Variants in WDR20 observed in about 807,000 individuals in gnomAD.
The protein encoded by WDR20 is WD repeat domain 20.
A neutral mutation model predicts 38.7 loss-of-function variants in WDR20; 3 were observed. The observed-to-expected ratio is 0.08, with a 90% CI of 0.04 to 0.20. The LOEUF (loss-of-function observed/expected upper bound fraction) is 0.20. Among genes scored for constraint, WDR20 ranks in the 10% least tolerant of loss-of-function variants. WDR20 has a pLI of 1.00. For missense variants in WDR20, 559 were observed against 727.7 expected (o/e 0.77, Z 2.67); for synonymous variants, 298 against 285.6 (o/e 1.04, Z -0.44).
chr14:102,158,787 G>A (rs1335476137), intron 1 of WDR20, among the ~76,000 whole-genome samples: 1 of 152,072 alleles, frequency 6.6e-6, no homozygotes, highest in Non-Finnish European at 1.5e-5. Flanking sequence ...TTTTAAGGAA[G>A]AGCTCTGCCC....
intron 1 of WDR20, among the ~76,000 whole-genome samples, chr14:102,177,486 A>G (rs1266802578): frequency 6.6e-6 from 1 of 152,154 alleles, no homozygotes; most frequent in Non-Finnish European, 1.5e-5. Context: ...ACTAGCTATG[A>G]GAAATATAGC....
chr14:102,160,075 C>T (rs1403858206), intron 1 of WDR20, among the ~76,000 whole-genome samples: 1 of 152,112 alleles, frequency 6.6e-6, no homozygotes, highest in Non-Finnish European at 1.5e-5. Context: ...CTGCACTCCA[C>T]CCTGAGTAAC....
rs959352493 is a variant in WDR20, at chr14:102,222,695, A to G, written c.1693-135A>G. 1.8e-4 allele frequency: 146 copies of G among 829,090 alleles called. No individual in the cohort carries two copies. Among genetic ancestry groups the G allele is most frequent in the Middle Eastern group, 4.5e-4 (2 of 4,492 alleles). 51.4% of individuals were successfully genotyped at this position (829,090 alleles called of 1,614,324 possible). A position where few individuals can be genotyped will look rare whatever the true frequency, so the allele number is the denominator to read the frequency against. ...GATAGGAATTAAATAGATGAAGTGG[A>G]GGGTTTGCTCCCACACTGGCTTCCA... On this transcript the variant is annotated intron_variant, in intron 3 of 3. Coordinates refer to the WDR20 transcript ENST00000335263. The surrounding 1 kb of genome is among the most constrained non-coding windows in gnomAD (Gnocchi z 4.4).
downstream of WDR20, chr14:102,212,901 CAAG>C: frequency 9.0e-7 from 1 of 1,114,972 alleles, no homozygotes; most frequent in Non-Finnish European, 1.1e-6. Flanking sequence ...CAGCATTTGG[CAAG>C]AAGAGGCTGT....
chr14:102,203,367 T>C (rs1236769414), intron 2 of WDR20, among the ~76,000 whole-genome samples: 1 of 152,206 alleles, frequency 6.6e-6, no homozygotes, highest in Non-Finnish European at 1.5e-5. Context: ...AATGAGATCA[T>C]TGACATTTTT....
intron 1 of WDR20, among the ~76,000 whole-genome samples, chr14:102,162,287 C>T (rs984128081): frequency 6.6e-6 from 1 of 152,126 alleles, no homozygotes; most frequent in Non-Finnish European, 1.5e-5. Flanking sequence ...TGTACTGTTT[C>T]GTGGTTTAAA....
At chr14:102,153,324 T>TTTTA (rs2056553561) in intron 1 of WDR20, among the ~76,000 whole-genome samples, 1 of 150,142 alleles carries the variant, frequency 6.7e-6, no homozygotes, top group Non-Finnish European at 1.5e-5. Flanking sequence ...TTTTTTTTTT[T>TTTTA]GAGATGGAGT....
chr14:102,178,513 AG>A (rs1480119994), intron 1 of WDR20, among the ~76,000 whole-genome samples: 1 of 151,906 alleles, frequency 6.6e-6, no homozygotes, highest in East Asian at 1.9e-4. Context: ...TGGTTCTCTT[AG>A]GCGTGGTCCC....
chr14:102,212,713 C>T (rs912454991), downstream of WDR20: 191 of 1,481,624 alleles, frequency 1.3e-4, no homozygotes, highest in Non-Finnish European at 1.6e-4. Context: ...CGCGGTGGTT[C>T]CTGATATCAG....
At chr14:102,152,552 C>G (rs375536878) in intron 1 of WDR20, among the ~76,000 whole-genome samples, 16 of 151,656 alleles carry the variant, frequency 1.1e-4, no homozygotes, top group African/African-American at 3.6e-4. Flanking sequence ...GTAGCTGGGA[C>G]TATAGGCGTG....
chr14:102,160,849 G>A (rs2058466581), intron 1 of WDR20, among the ~76,000 whole-genome samples: 1 of 147,924 alleles, frequency 6.8e-6, no homozygotes, highest in African/African-American at 2.5e-5. Flanking sequence ...TTGGGAGGCT[G>A]AGGCAGGAGA....
At chr14:102,163,947 T>C (rs2059267069) in intron 1 of WDR20, among the ~76,000 whole-genome samples, 1 of 152,176 alleles carries the variant, frequency 6.6e-6, no homozygotes, top group Non-Finnish European at 1.5e-5. Context: ...CTTTAAATTA[T>C]AGAATCGGTG....
rs2061758839 is a variant in WDR20, at chr14:102,207,466, G to A, written c.433-1137G>A. Among the ~76,000 whole-genome samples the A allele has an allele frequency of 6.6e-6, 1 of 152,252 alleles. No individual in the cohort carries two copies. The highest frequency in any genetic ancestry group is 2.4e-5 in the African/African-American group (1 of 41,472). On this transcript the variant is annotated intron_variant, in intron 2 of 2. Coordinates refer to ENST00000342702, the MANE Select transcript of WDR20 (RefSeq NM_144574.4). This position sits in a 1 kb window ranked among gnomAD's most constrained non-coding sequence, Gnocchi z 5.0. ...GGCAGATTCTGCCCCTGTGTGCCCAGTACCCCTCTGAGACTTGAGTCAGGG... is the reference window on the plus strand; with the variant it reads ...GGCAGATTCTGCCCCTGTGTGCCCAATACCCCTCTGAGACTTGAGTCAGGG...
At chr14:102,219,539 C>T (rs549717619), downstream of WDR20, among the ~76,000 whole-genome samples, 26 of 152,338 alleles carry the variant, frequency 1.7e-4, no homozygotes, top group South Asian at 2.9e-3. Flanking sequence ...AACTGGAGGC[C>T]GGGCCCTTTG....
At chr14:102,158,907 T>C (rs1168214911) in intron 1 of WDR20, among the ~76,000 whole-genome samples, 3 of 152,072 alleles carry the variant, frequency 2.0e-5, no homozygotes, top group African/African-American at 4.8e-5. Context: ...TTTAAAACAG[T>C]TGTCAGGGGG....
intron 2 of WDR20, among the ~76,000 whole-genome samples, chr14:102,203,449 G>A (rs1467639046): frequency 6.6e-6 from 1 of 152,066 alleles, no homozygotes; most frequent in African/African-American, 2.4e-5. Flanking sequence ...CCAGTGCTGC[G>A]GGACTGGGGA....
chr14:102,197,665 G>C (rs898106421), intron 2 of WDR20: 3 of 598,608 alleles, frequency 5.0e-6, no homozygotes, highest in Admixed American at 5.3e-5. Flanking sequence ...TTCATGTCAC[G>C]TGAAGCAATT....
chr14:102,140,671 C>G (rs978734898), intron 1 of WDR20, among the ~76,000 whole-genome samples: 2 of 152,160 alleles, frequency 1.3e-5, no homozygotes, highest in African/African-American at 4.8e-5. Context: ...AAAGAACCTG[C>G]TCGGCACGCA....
At chr14:102,200,467 T>TGTGTGTGTGTG (rs1555400555) in intron 2 of WDR20, among the ~76,000 whole-genome samples, 20 of 117,768 alleles carry the variant, frequency 1.7e-4, no homozygotes, top group African/African-American at 5.9e-4. Flanking sequence ...ATTTTTTTTT[T>TGTGTGTGTGTG]TGTGTGTGTG....
Sources: allele counts gnomAD v4.1 joint callset (sites outside exome capture counted in the v4.1 genomes callset), GRCh38; gene constraint gnomAD v4.1.1; non-coding constraint Gnocchi (gnomAD v3.1); transcripts MANE v1.5; gene names NCBI Gene and HGNC (gene_info 2026-07-23, HGNC 2026-07-21).